Variants in SLC25A15 observed in about 807,000 individuals in gnomAD.
The protein encoded by SLC25A15 is mitochondrial ornithine transporter 1.
In SLC25A15, 24 loss-of-function variants were observed where a neutral mutation model predicts 32.3. That is an observed-to-expected ratio of 0.74 (90% confidence interval 0.54 to 1.04). SLC25A15 has a LOEUF of 1.04. Ranked by LOEUF, SLC25A15 falls within the 50% of genes least tolerant of loss-of-function variation. The pLI is 0.00. For synonymous variants in SLC25A15, 132 were observed against 142.1 expected, an observed-to-expected ratio of 0.93 and a Z score of 0.51; for missense variants, 317 against 374.5, an observed-to-expected ratio of 0.85 and a Z score of 1.27.
rs374682223 is a variant in SLC25A15 at position 40,811,287 on chromosome 13, G to A, written c.*1620G>A. On this transcript the variant is annotated 3_prime_UTR_variant, in exon 7 of 7. Transcript: ENST00000338625. ...GGGCGGGTCACAAGGTCAGGAGTTC[G>A]AGAACAGCCTGACCAACATGGTGAA... Among the ~76,000 whole-genome samples the A allele has an allele frequency of 2.6e-4, 40 of 152,240 alleles. No homozygotes were observed. The South Asian group carries it at 7.2e-3, about 28-fold the overall frequency.
At position 40,811,702 on chromosome 13, in the gene SLC25A15, C is replaced by T. The variant is rs1240160328; in HGVS notation, c.*2035C>T. On this transcript the variant is annotated 3_prime_UTR_variant, in exon 7 of 7. Transcript: ENST00000338625. ...TCATCATTTTGTGCTGCTCCAACAC[C>T]AGCAGGGTATCTCCCAATAAAGTGT... Among the ~76,000 whole-genome samples the T allele has an allele frequency of 1.3e-5, 2 of 152,192 alleles. No individual in the cohort carries two copies. The highest frequency in any genetic ancestry group is 2.9e-5 in the Non-Finnish European group (2 of 68,038).
chr13:40,792,068 G>T (rs190777216), intron 1 of SLC25A15, among the ~76,000 whole-genome samples: 2 of 152,176 alleles, frequency 1.3e-5, no homozygotes, highest in Admixed American at 1.3e-4. Context: ...AACTGTACAG[G>T]ATTGGTCGTT....
chr13:40,808,349 A>G (rs1445164351), intron 5 of SLC25A15, 89 bp from the exon 6 acceptor site: 2 of 1,075,702 alleles, frequency 1.9e-6, no homozygotes, highest in South Asian at 1.3e-5. Flanking sequence ...ATTTTCATCT[A>G]CCTGCAGCCA....
rs1426008130 is a variant in SLC25A15, at chr13:40,791,364, A to AT, written c.-70+1712dup. 5.9e-3 allele frequency among the ~76,000 whole-genome samples: 752 copies of AT among 127,938 alleles called. 10 individuals carry two copies. Among genetic ancestry groups the AT allele is most frequent in the African/African-American group, 0.019 (580 of 30,084 alleles). 83.9% of individuals were successfully genotyped at this position (127,938 alleles called of 152,430 possible). A position where few individuals can be genotyped will look rare whatever the true frequency, so the allele number is the denominator to read the frequency against. ...TTTTTTATTTTCTATTATTATTATT[A>AT]TTTTTTTTTTTGAGACAGAGTCTCA... is the stretch of plus-strand genomic sequence containing the variant. On this transcript the variant is annotated intron_variant, in intron 1 of 6. Coordinates refer to ENST00000338625, the MANE Select transcript of SLC25A15 (RefSeq NM_014252.4).
chr13:40,795,259 G>T (rs1178846330), intron 2 of SLC25A15, among the ~76,000 whole-genome samples: 1 of 152,232 alleles, frequency 6.6e-6, no homozygotes, highest in East Asian at 1.9e-4. Flanking sequence ...CAGAAGGAGG[G>T]TGTTTAGCCA....
chr13:40,812,379 T>C lies in SLC25A15; in HGVS notation c.*2712T>C, dbSNP rs1421018924. Among the ~76,000 whole-genome samples the C allele has an allele frequency of 6.6e-6, 1 of 152,238 alleles. No homozygotes were observed. The highest frequency in any genetic ancestry group is 1.5e-5 in the Non-Finnish European group (1 of 68,036). ...AGTACAGTTTGTGCTATTTCATATC[T>C]GTACTCCAGGCAGAAATATAACTTG... On this transcript the variant is annotated 3_prime_UTR_variant, in exon 7 of 7. Transcript: ENST00000338625.
rs1021779967 is a variant in SLC25A15 at position 40,811,292 on chromosome 13, C to G, written c.*1625C>G. On this transcript the variant is annotated 3_prime_UTR_variant, in exon 7 of 7. Transcript: ENST00000338625. ...GGTCACAAGGTCAGGAGTTCGAGAA[C>G]AGCCTGACCAACATGGTGAAACCCC... 1.3e-5 allele frequency among the ~76,000 whole-genome samples: 2 copies of G among 152,150 alleles called. No homozygotes were observed. The highest frequency in any genetic ancestry group is 4.8e-5 in the African/African-American group (2 of 41,426).
intron 4 of SLC25A15, among the ~76,000 whole-genome samples, chr13:40,806,273 A>C (rs1056576164): frequency 6.6e-6 from 1 of 152,256 alleles, no homozygotes; most frequent in Non-Finnish European, 1.5e-5. Flanking sequence ...ACCTGTGTCC[A>C]GATTAACAAA....
chr13:40,799,052 T>G lies in SLC25A15; in HGVS notation c.56-5T>G, dbSNP rs1436609191. The G allele has an allele frequency of 1.2e-6, 2 of 1,614,180 alleles. No individual in the cohort carries two copies. Among genetic ancestry groups the G allele is most frequent in the South Asian group, 1.1e-5 (1 of 91,078 alleles). On this transcript the variant is annotated splice_polypyrimidine_tract_variant and splice_region_variant and intron_variant, in intron 2 of 6. Coordinates refer to ENST00000338625, the MANE Select transcript of SLC25A15 (RefSeq NM_014252.4). ...TACTAGAGCAGTCATCTGTCCTGAT[T>G]GCAGGAGGTACAGCATGTGTACTGA...
At chr13:40,796,022 C>A (rs180751038) in intron 2 of SLC25A15, among the ~76,000 whole-genome samples, 5 of 152,084 alleles carry the variant, frequency 3.3e-5, no homozygotes, top group South Asian at 2.1e-4. Flanking sequence ...TAGTTTGGAG[C>A]CTTTGGGCCC....
intron 3 of SLC25A15, among the ~76,000 whole-genome samples, chr13:40,801,251 GAAAA>G (rs1432609323): frequency 1.4e-3 from 200 of 148,134 alleles, no homozygotes; most frequent in African/African-American, 4.8e-3. Context: ...AAAAAGAAAA[GAAAA>G]GAAACCATCC....
At chr13:40,796,732 C>T (rs1180289576) in intron 2 of SLC25A15, among the ~76,000 whole-genome samples, 1 of 152,130 alleles carries the variant, frequency 6.6e-6, no homozygotes. Flanking sequence ...GCTTCTCTCT[C>T]CTCACCTCTC....
At chr13:40,803,813 A>G (rs1160343016) in intron 3 of SLC25A15, among the ~76,000 whole-genome samples, 1 of 152,208 alleles carries the variant, frequency 6.6e-6, no homozygotes, top group Non-Finnish European at 1.5e-5. Flanking sequence ...CATCTGTGGC[A>G]GTTACATTGC....
chr13:40,809,576 C>T lies in SLC25A15; in HGVS notation c.815C>T (p.Thr272Ile), dbSNP rs121908535. ...ITALYSGLKP[T>I]MIRAFPANGA... ...GCCTTATATTCTGGACTGAAACCTA[C>T]TATGATTCGAGCATTCCCTGCCAAT... Residue 272 changes from threonine to isoleucine, a missense_variant, in exon 7 of 7, where the codon ACT (threonine) becomes ATT (isoleucine). Transcript: ENST00000338625. 21 of 1,612,024 alleles carry T rather than the reference C, an allele frequency of 1.3e-5. No individual in the cohort carries two copies. The East Asian group carries it at 4.7e-4, about 36-fold the overall frequency.
chr13:40,807,556 T>C (rs966518982), intron 5 of SLC25A15, 93 bp downstream of exon 5: 16 of 1,387,418 alleles, frequency 1.2e-5, no homozygotes, highest in Non-Finnish European at 1.6e-5. Context: ...TGTGCTCTCC[T>C]CCCCACATTG....
At position 40,812,429 on chromosome 13, in the gene SLC25A15, C is replaced by T. The variant is rs1882495626; in HGVS notation, c.*2762C>T. ...GAAAATACTGTGTCTAAAGAAATTTCAGTGTTCTATCATTAAATTATTTAC... is the reference window on the plus strand; with the variant it reads ...GAAAATACTGTGTCTAAAGAAATTTTAGTGTTCTATCATTAAATTATTTAC... On this transcript the variant is annotated 3_prime_UTR_variant, in exon 7 of 7. Transcript: ENST00000338625. Among the ~76,000 whole-genome samples, 1 of 152,086 alleles carries T rather than the reference C, an allele frequency of 6.6e-6. No individual in the cohort carries two copies. Among genetic ancestry groups the T allele is most frequent in the African/African-American group, 2.4e-5 (1 of 41,384 alleles).
chr13:40,793,058 G>T (rs747782184), intron 1 of SLC25A15, 100 bp from the exon 2 acceptor site: 18 of 707,214 alleles, frequency 2.5e-5, no homozygotes, highest in Non-Finnish European at 4.6e-5. Context: ...TGGACCCCAG[G>T]TCATGGCTCC....
chr13:40,805,024 C>T (rs1380070549), intron 3 of SLC25A15, 94 bp from the exon 4 acceptor site: 2 of 1,520,378 alleles, frequency 1.3e-6, no homozygotes, highest in African/African-American at 1.4e-5. Flanking sequence ...ACGCCCGGCT[C>T]CTTACCCTGC....
chr13:40,799,454 C>T (rs561524785), intron 3 of SLC25A15, 139 bp downstream of exon 3: 1 of 998,196 alleles, frequency 1.0e-6, no homozygotes, highest in Admixed American at 2.0e-5. Flanking sequence ...AGTTCAAAAC[C>T]AGCCTGGGCA....
Sources: allele counts gnomAD v4.1 joint callset (sites outside exome capture counted in the v4.1 genomes callset), GRCh38; gene constraint gnomAD v4.1.1; transcripts MANE v1.5; gene names NCBI Gene and HGNC (gene_info 2026-07-23, HGNC 2026-07-21).